The following MED13 variants were observed in gnomAD, a reference collection of about 807,000 sequenced individuals.
MED13 encodes mediator of RNA polymerase II transcription subunit 13.
In MED13, 23 loss-of-function variants were observed where a neutral mutation model predicts 225.2. That is an observed-to-expected ratio of 0.10 (90% CI 0.07 to 0.14). MED13 has a LOEUF of 0.14. Among genes scored for constraint, MED13 ranks in the 10% least tolerant of loss-of-function variants. MED13 has a pLI of 1.00. For synonymous variants in MED13, 942 were observed against 889.2 expected, an observed-to-expected ratio of 1.06 and a Z score of -1.06; for missense variants, 2,197 against 2,594.5, an observed-to-expected ratio of 0.85 and a Z score of 3.33.
intron 17 of MED13, among the ~76,000 whole-genome samples, chr17:61,971,680 T>C (rs1266589097): frequency 2.6e-5 from 4 of 152,114 alleles, no homozygotes; most frequent in African/African-American, 9.7e-5. Flanking sequence ...ATGCCTGTAA[T>C]CCCAGCACTT....
chr17:61,995,243 G>A lies in MED13; in HGVS notation c.2090C>T (p.Pro697Leu). The A allele has an allele frequency of 6.2e-7, 1 of 1,613,498 alleles. No homozygotes were observed. Among genetic ancestry groups the A allele is most frequent in the Non-Finnish European group, 8.5e-7 (1 of 1,179,754 alleles). The change falls in exon 10 of 30, where the codon CCA (proline) becomes CTA (leucine). Residue 697 changes from proline to leucine, a missense_variant. Transcript: ENST00000397786. The stretch of plus-strand genomic sequence containing the variant: ...CTCATCTCCTTCAACAAATGCATAT[G>A]GATCAATTTTAGGTTCTTGTTCTGC... ...SDAEQEPKID[P>L]YAFVEGDEEF...
At chr17:62,036,172 T>C (rs999251376) in intron 3 of MED13, among the ~76,000 whole-genome samples, 8 of 151,882 alleles carry the variant, frequency 5.3e-5, no homozygotes, top group Admixed American at 3.3e-4. Flanking sequence ...AGTGACTTAA[T>C]TTTTATTTTT....
intron 17 of MED13, among the ~76,000 whole-genome samples, chr17:61,971,236 A>C (rs912648548): frequency 9.2e-5 from 14 of 152,100 alleles, no homozygotes; most frequent in African/African-American, 3.1e-4. Context: ...ATGATCTCCA[A>C]AATCAGTTAA....
chr17:61,964,910 T>C, intron 20 of MED13, 96 bp downstream of exon 20: 1 of 1,184,866 alleles, frequency 8.4e-7, no homozygotes, highest in Non-Finnish European at 1.2e-6. Flanking sequence ...CAGTACAGCC[T>C]GCGCAAAAGA....
intron 26 of MED13, among the ~76,000 whole-genome samples, chr17:61,954,300 T>G (rs1386947304): frequency 3.3e-5 from 5 of 152,198 alleles, no homozygotes; most frequent in African/African-American, 1.2e-4. Flanking sequence ...TTTTCTCTTC[T>G]ACTAAAATGC....
chr17:61,963,003 T>C, intron 20 of MED13, 32 bp from the exon 21 acceptor site: 1 of 1,592,566 alleles, frequency 6.3e-7, no homozygotes, highest in Non-Finnish European at 8.6e-7. Flanking sequence ...AGACAAAAAG[T>C]TGTACTGTAT....
At chr17:62,021,518 G>A (rs7224077) in intron 8 of MED13, among the ~76,000 whole-genome samples, 7,588 of 152,176 alleles carry the variant, frequency 0.05, 254 homozygotes, top group Non-Finnish European at 0.081. Context: ...CTCACCTCCC[G>A]GACGGGGCGA....
chr17:62,015,852 A>G (rs1167523424), intron 8 of MED13, among the ~76,000 whole-genome samples: 2 of 110,610 alleles, frequency 1.8e-5, no homozygotes, highest in Admixed American at 9.9e-5. Flanking sequence ...CACTATATAT[A>G]TGTGTATAGT....
At chr17:62,004,490 C>T (rs1817869110) in intron 9 of MED13, 1 of 152,106 alleles carries the variant, frequency 6.6e-6, no homozygotes, top group African/African-American at 2.4e-5. Flanking sequence ...AGCAGTTCAC[C>T]CTCTTTATAA....
intron 9 of MED13, 85 bp from the exon 10 acceptor site, chr17:61,995,450 G>C: frequency 1.1e-6 from 1 of 878,110 alleles, no homozygotes; most frequent in Non-Finnish European, 1.7e-6. Flanking sequence ...AATGTTTTTA[G>C]AATTACTTAA....
intron 2 of MED13, among the ~76,000 whole-genome samples, chr17:62,056,370 G>A (rs2080996468): frequency 6.6e-6 from 1 of 152,190 alleles, no homozygotes; most frequent in African/African-American, 2.4e-5. Context: ...CATTATAATA[G>A]GGAGGGGAAG....
intron 26 of MED13, among the ~76,000 whole-genome samples, chr17:61,954,804 T>C (rs1390789361): frequency 6.6e-6 from 1 of 152,068 alleles, no homozygotes; most frequent in Non-Finnish European, 1.5e-5. Flanking sequence ...AAAGTAAAGA[T>C]TTATGGGATA....
intron 19 of MED13, among the ~76,000 whole-genome samples, chr17:61,966,067 A>G (rs565690772): frequency 1.6e-3 from 247 of 152,336 alleles, no homozygotes; most frequent in Non-Finnish European, 2.8e-3. Context: ...GCTACAACAA[A>G]GAACTATTTC....
chr17:61,997,776 C>G (rs1410411986), intron 9 of MED13, among the ~76,000 whole-genome samples: 1 of 152,108 alleles, frequency 6.6e-6, no homozygotes, highest in African/African-American at 2.4e-5. Flanking sequence ...TCTGTAGAGA[C>G]AAATAAAACT....
chr17:62,048,852 C>T (rs2080927158), intron 3 of MED13, among the ~76,000 whole-genome samples: 1 of 152,036 alleles, frequency 6.6e-6, no homozygotes, highest in Admixed American at 6.6e-5. Flanking sequence ...TACACAGAAC[C>T]TCCAGTTAGC....
At chr17:62,001,277 T>C (rs1307213924) in intron 9 of MED13, among the ~76,000 whole-genome samples, 2 of 152,200 alleles carry the variant, frequency 1.3e-5, no homozygotes, top group Admixed American at 6.6e-5. Flanking sequence ...TTTAACTGGC[T>C]GCAAAGTTCT....
chr17:62,057,340 T>C (rs2081003494), intron 2 of MED13, among the ~76,000 whole-genome samples: 2 of 151,984 alleles, frequency 1.3e-5, no homozygotes, highest in Admixed American at 1.3e-4. Context: ...TGGCAAAACT[T>C]GAAAACTGAT....
At position 61,943,076 on chromosome 17, in the gene MED13, T is replaced by C. The variant is rs972888987; in HGVS notation, c.*3392A>G. 6.6e-6 allele frequency: 1 copy of C among 152,542 alleles called. No homozygotes were observed. Among genetic ancestry groups the C allele is most frequent in the African/African-American group, 2.4e-5 (1 of 41,458 alleles). 9.4% of individuals were successfully genotyped at this position (152,542 alleles called of 1,614,324 possible). ...ACATACATAAAAATTTAAACCACAG[T>C]TCTGGGCCCATTAAAACACCAAAAA... On this transcript the variant is annotated 3_prime_UTR_variant, in exon 30 of 30. Transcript: ENST00000397786.
At chr17:61,972,617 AAT>A (rs775824392) in intron 17 of MED13, 108 bp downstream of exon 17, 11 of 1,053,870 alleles carry the variant, frequency 1.0e-5, no homozygotes, top group Non-Finnish European at 1.5e-5. Context: ...TGGCCTTAAG[AAT>A]ATATCACAAA....
Sources: gnomAD v4.1 joint callset for allele counts (sites outside exome capture counted in the v4.1 genomes callset) on GRCh38, gnomAD v4.1.1 for gene constraint, MANE v1.5 for transcripts, NCBI Gene and HGNC (gene_info 2026-07-23, HGNC 2026-07-21) for gene names.